PCDHGB2: variants seen among roughly 807,000 people sequenced by gnomAD.
PCDHGB2 encodes the protein protocadherin gamma subfamily B, 2.
A neutral mutation model predicts 59.3 loss-of-function variants in PCDHGB2; 55 were observed. The observed-to-expected ratio is 0.93, with a 90% CI of 0.75 to 1.16. The LOEUF (loss-of-function observed/expected upper bound fraction) is 1.16. Among genes scored for constraint, PCDHGB2 ranks in the 50% most tolerant of loss-of-function variants. The pLI is 0.00. For synonymous variants in PCDHGB2, 516 were observed against 512.0 expected, an observed-to-expected ratio of 1.01 and a Z score of -0.11; for missense variants, 1,228 against 1,198.5, an observed-to-expected ratio of 1.02 and a Z score of -0.36.
chr5:141,374,157 G>A (rs1394990278), intron 1 of PCDHGB2: 1 of 1,612,216 alleles, frequency 6.2e-7, no homozygotes, highest in African/African-American at 1.3e-5. Flanking sequence ...ACGCTGTGGG[G>A]GGCCGCGGCA....
At position 141,432,640 on chromosome 5, in the gene PCDHGB2, C is replaced by T. The variant is rs2097523683; in HGVS notation, c.2422-62167C>T. On this transcript the variant is annotated intron_variant, in intron 1 of 3. Transcript: ENST00000522605. This position sits in a 1 kb window ranked among gnomAD's most constrained non-coding sequence, Gnocchi z 6.0. ...TGGGTCTGCACACGGGCGAGGTGCG[C>T]ACGGCGCGAGCCCTGCTGGACAGAG... 1.9e-6 allele frequency: 3 copies of T among 1,613,814 alleles called. No individual in the cohort carries two copies. The highest frequency in any genetic ancestry group is 2.5e-6 in the Non-Finnish European group (3 of 1,179,932).
Position 141,486,445 on chromosome 5 carries a change from G to A in PCDHGB2, c.2422-8362G>A. On this transcript the variant is annotated intron_variant, in intron 1 of 3. Coordinates refer to ENST00000522605, the MANE Select transcript of PCDHGB2 (RefSeq NM_018923.3). The surrounding 1 kb of genome is among the most constrained non-coding windows in gnomAD (Gnocchi z 5.0). ...AGGCCAAATCTAGCTATGACATCAT[G>A]GTCACTGCTTCTGATGCTGGGAACC... 6.2e-7 allele frequency: 1 copy of A among 1,613,948 alleles called. No homozygotes were observed. The highest frequency in any genetic ancestry group is 8.5e-7 in the Non-Finnish European group (1 of 1,179,862).
intron 2 of PCDHGB2, 22 bp downstream of exon 2, chr5:141,494,887 C>T (rs116522768): frequency 0.014 from 22,125 of 1,614,118 alleles, 208 homozygotes; most frequent in Middle Eastern, 0.021. Context: ...ATTCTCCAGC[C>T]CACCCTCTTC....
intron 1 of PCDHGB2, chr5:141,395,652 A>C (rs2093296938): frequency 6.0e-6 from 1 of 165,528 alleles, no homozygotes; most frequent in Admixed American, 6.1e-5. Context: ...TTAGCTTAGC[A>C]AAAGTAAAAT....
rs183338714 is a variant in PCDHGB2, at chr5:141,373,869, G to A, written c.2421+11313G>A. On this transcript the variant is annotated intron_variant, in intron 1 of 3. Coordinates refer to ENST00000522605, the MANE Select transcript of PCDHGB2 (RefSeq NM_018923.3). ...TAAGCGTCGCTGTTGACCAACCTGG[G>A]CAAGAAAATCAACGGAAACTCAAGT... The A allele has an allele frequency of 4.3e-3, 2,030 of 471,178 alleles. 12 individuals carry two copies. Among genetic ancestry groups the A allele is most frequent in the Admixed American group, 0.01 (264 of 25,860 alleles). The allele number at this position is 471,178 out of a possible 1,614,324, so 29.2% of individuals were successfully genotyped here. A position where few individuals can be genotyped will look rare whatever the true frequency, so the allele number is the denominator to read the frequency against.
At chr5:141,370,922 G>A (rs563952977) in intron 1 of PCDHGB2, 14 of 1,613,978 alleles carry the variant, frequency 8.7e-6, no homozygotes, top group South Asian at 5.5e-5. Flanking sequence ...GCCCTGATCC[G>A]CACTTCTCTT....
At chr5:141,374,364 A>C in intron 1 of PCDHGB2, 2 of 1,614,024 alleles carry the variant, frequency 1.2e-6, no homozygotes, top group Non-Finnish European at 1.7e-6. Context: ...GACCGCGAGG[A>C]GCTCTGTGCT....
chr5:141,400,588 T>TC, intron 1 of PCDHGB2: 1 of 1,606,158 alleles, frequency 6.2e-7, no homozygotes, highest in South Asian at 1.1e-5. Flanking sequence ...TACATGAAAC[T>TC]ATCGTACATT....
chr5:141,397,648 C>T (rs1045102412), intron 1 of PCDHGB2, among the ~76,000 whole-genome samples: 5 of 152,148 alleles, frequency 3.3e-5, no homozygotes, highest in African/African-American at 1.2e-4. Context: ...GGTATGTTTG[C>T]AGAATGGTGA....
intron 1 of PCDHGB2, among the ~76,000 whole-genome samples, chr5:141,445,531 C>A (rs1476079791): frequency 6.6e-6 from 1 of 152,136 alleles, no homozygotes; most frequent in Non-Finnish European, 1.5e-5. Flanking sequence ...TGATAAAAGC[C>A]AACAAGGAGA....
intron 1 of PCDHGB2, chr5:141,374,302 GC>G: frequency 6.2e-7 from 1 of 1,613,984 alleles, no homozygotes; most frequent in Non-Finnish European, 8.5e-7. Flanking sequence ...GTAGGATGCA[GC>G]TTTTCTCTCT....
At position 141,489,481 on chromosome 5, in the gene PCDHGB2, A is replaced by C; in HGVS notation, c.2422-5326A>C. 6.2e-7 allele frequency: 1 copy of C among 1,614,040 alleles called. No homozygotes were observed. The highest frequency in any genetic ancestry group is 8.5e-7 in the Non-Finnish European group (1 of 1,180,004). ...GCGCTATTTTTCCCTGAGCTTGATG[A>C]GTGGTGCCCTGGCAGTGAATCAAAA... is the stretch of plus-strand genomic sequence containing the variant. On this transcript the variant is annotated intron_variant, in intron 1 of 3. Transcript: ENST00000522605. The surrounding 1 kb of genome is among the most constrained non-coding windows in gnomAD (Gnocchi z 4.5).
rs372994272 is a variant in PCDHGB2, at chr5:141,485,358, G to C, written c.2422-9449G>C. On this transcript the variant is annotated intron_variant, in intron 1 of 3. Coordinates refer to ENST00000522605, the MANE Select transcript of PCDHGB2 (RefSeq NM_018923.3). This position sits in a 1 kb window ranked among gnomAD's most constrained non-coding sequence, Gnocchi z 5.7. ...CTGGATACGGACAGTCTGTCAGCTC[G>C]CAGGCTGCAGGTCGCTGGAGAGGTG... is the stretch of plus-strand genomic sequence containing the variant. 3.1e-6 allele frequency: 5 copies of C among 1,613,982 alleles called. No homozygotes were observed. Among genetic ancestry groups the C allele is most frequent in the Non-Finnish European group, 4.2e-6 (5 of 1,180,014 alleles).
rs375436846 is a variant in PCDHGB2, at chr5:141,399,581, A to T, written c.2421+37025A>T. ...TTGGGGTTGAACGGCCAAGTCTCCT[A>T]CTCTATCATGGCCAGCGACCTAGAG... is the stretch of plus-strand genomic sequence containing the variant. On this transcript the variant is annotated intron_variant, in intron 1 of 3. Coordinates refer to ENST00000522605, the MANE Select transcript of PCDHGB2 (RefSeq NM_018923.3). 9.9e-6 allele frequency: 16 copies of T among 1,613,788 alleles called. No homozygotes were observed. The African/African-American group carries it at 1.9e-4, about 19-fold the overall frequency.
In PCDHGB2 at chr5:141,432,059, A is replaced by G. The variant is rs752124614; in HGVS notation, c.2422-62748A>G. The stretch of plus-strand genomic sequence containing the variant: ...TGACCGGGGAACCCCGCCCCTATCC[A>G]CGGAAACTCATATCTCGCTGAACGT... On this transcript the variant is annotated intron_variant, in intron 1 of 3. Coordinates refer to ENST00000522605, the MANE Select transcript of PCDHGB2 (RefSeq NM_018923.3). The surrounding 1 kb of genome is among the most constrained non-coding windows in gnomAD (Gnocchi z 6.0). 17 of 1,614,052 alleles carry G rather than the reference A, an allele frequency of 1.1e-5. No individual in the cohort carries two copies. The highest frequency in any genetic ancestry group is 1.3e-5 in the African/African-American group (1 of 74,918).
chr5:141,420,135 A>T (rs2096469364), intron 1 of PCDHGB2: 1 of 1,614,026 alleles, frequency 6.2e-7, no homozygotes. Flanking sequence ...GTGCCTGGGG[A>T]TCAAATGAAT....
intron 1 of PCDHGB2, chr5:141,383,924 A>G: frequency 1.2e-6 from 2 of 1,613,950 alleles, no homozygotes; most frequent in Non-Finnish European, 1.7e-6. Context: ...GATGTAAATG[A>G]TAATGCTCCA....
chr5:141,375,605 A>C, intron 1 of PCDHGB2: 2 of 1,614,082 alleles, frequency 1.2e-6, no homozygotes, highest in Non-Finnish European at 1.7e-6. Flanking sequence ...CGTGTCCATC[A>C]ACTCCGACAC....
chr5:141,482,205 C>A (rs1478729653), intron 1 of PCDHGB2, among the ~76,000 whole-genome samples: 1 of 151,896 alleles, frequency 6.6e-6, no homozygotes, highest in Non-Finnish European at 1.5e-5. Context: ...TAAAACAGAC[C>A]AGGTACTTGT....
Sources: allele counts gnomAD v4.1 joint callset (sites outside exome capture counted in the v4.1 genomes callset), GRCh38; gene constraint gnomAD v4.1.1; non-coding constraint Gnocchi (gnomAD v3.1); transcripts MANE v1.5; gene names NCBI Gene and HGNC (gene_info 2026-07-23, HGNC 2026-07-21).